NFATC2: variants seen among roughly 807,000 people sequenced by gnomAD.
NFATC2 encodes the protein nuclear factor of activated T-cells, cytoplasmic 2.
A neutral mutation model predicts 87.3 loss-of-function variants in NFATC2; 22 were observed. The observed-to-expected ratio is 0.25, with a 90% CI of 0.18 to 0.36. NFATC2 has a LOEUF of 0.36. Ranked by LOEUF, NFATC2 falls within the 10% of genes least tolerant of loss-of-function variation. The pLI is 1.00. For synonymous variants in NFATC2, 565 were observed against 542.2 expected (o/e 1.04, Z -0.58); for missense variants, 1,149 against 1,259.1 (o/e 0.91, Z 1.32).
intron 5 of NFATC2, among the ~76,000 whole-genome samples, chr20:51,470,078 G>T (rs1486670552): frequency 6.6e-6 from 1 of 152,200 alleles, no homozygotes; most frequent in Non-Finnish European, 1.5e-5. Flanking sequence ...ACTGCTCCGT[G>T]CCAAGTGGAG....
In NFATC2 at chr20:51,465,175, G is replaced by A. The variant is rs1221725618; in HGVS notation, c.1708+8805C>T. Among the ~76,000 whole-genome samples the A allele has an allele frequency of 2.6e-5, 4 of 152,162 alleles. No homozygotes were observed. The South Asian group carries it at 8.3e-4, about 31-fold the overall frequency. ...GGCCAAGGCAGGTGGATCATCTGAG[G>A]TCAGGAGTTTGAGACCAGCCTGGCC... On this transcript the variant is annotated intron_variant, in intron 5 of 10. Coordinates refer to ENST00000371564, the MANE Select transcript of NFATC2 (RefSeq NM_012340.5).
At chr20:51,485,794 T>C (rs1377502553) in intron 3 of NFATC2, among the ~76,000 whole-genome samples, 3 of 152,176 alleles carry the variant, frequency 2.0e-5, no homozygotes, top group Non-Finnish European at 4.4e-5. Flanking sequence ...GGGCTGTGTA[T>C]AAAGCATGTC....
chr20:51,441,996 A>G (rs1984412417), intron 6 of NFATC2, among the ~76,000 whole-genome samples: 2 of 152,220 alleles, frequency 1.3e-5, no homozygotes, highest in Admixed American at 1.3e-4. Flanking sequence ...TAAAATGGTC[A>G]TAAAAAGTAT....
chr20:51,531,156 A>G (rs550822276), intron 1 of NFATC2, among the ~76,000 whole-genome samples: 1 of 152,344 alleles, frequency 6.6e-6, no homozygotes, highest in South Asian at 2.1e-4. Context: ...ATCGCCAAAC[A>G]TCTCCTGCCA....
At chr20:51,450,513 A>C (rs1486416697) in intron 6 of NFATC2, among the ~76,000 whole-genome samples, 1 of 152,220 alleles carries the variant, frequency 6.6e-6, no homozygotes, top group Non-Finnish European at 1.5e-5. Context: ...CCACTTCAAA[A>C]AATAACGATG....
Position 51,533,023 on chromosome 20 carries a change from G to A in NFATC2, c.131-8913C>T, listed in dbSNP as rs60439711. On this transcript the variant is annotated intron_variant, in intron 1 of 10. Coordinates refer to ENST00000371564, the MANE Select transcript of NFATC2 (RefSeq NM_012340.5). ...GAGCTCACCCCGATGCCGAGGTGGC[G>A]TGAGTCCCAGGGCCTGGGTTTGGGA... Among the ~76,000 whole-genome samples, 63 of 152,338 alleles carry A rather than the reference G, an allele frequency of 4.1e-4. 2 individuals are homozygous for A. In the East Asian group the frequency reaches 0.012, roughly 28 times the overall value.
rs56185326 is a variant in NFATC2 at position 51,398,799 on chromosome 20, C to A, written c.2723-69G>T. On this transcript the variant is annotated intron_variant, in intron 9 of 10. Coordinates refer to ENST00000371564, the MANE Select transcript of NFATC2 (RefSeq NM_012340.5). ...ATCACCTTTGATCTCTCTTACGCTT[C>A]CAACTCATGCCGATATCATCCAAGC... 1.3e-3 allele frequency: 1,392 copies of A among 1,054,166 alleles called. 4 individuals are homozygous for A. Among genetic ancestry groups the A allele is most frequent in the Non-Finnish European group, 1.9e-3 (1,306 of 687,812 alleles). The allele number at this position is 1,054,166 out of a possible 1,614,324, so 65.3% of individuals were successfully genotyped here. A position where few individuals can be genotyped will look rare whatever the true frequency, so the allele number is the denominator to read the frequency against.
chr20:51,501,569 CACTGCACTCA>C (rs1009478522), intron 3 of NFATC2, among the ~76,000 whole-genome samples: 2 of 152,338 alleles, frequency 1.3e-5, no homozygotes, highest in East Asian at 3.9e-4. Flanking sequence ...CTTATTCCCT[CACTGCACTCA>C]AAATTCCATT....
chr20:51,557,355 C>T lies in NFATC2; in HGVS notation c.70+5205G>A, dbSNP rs1020658334. 3.3e-5 allele frequency among the ~76,000 whole-genome samples: 5 copies of T among 152,148 alleles called. No homozygotes were observed. In the South Asian group the frequency reaches 1.0e-3, roughly 32 times the overall value. ...ACTCCACCACTCGCTAGGGCTGCGACCCTGGTGAGTGACTCTATCTCCCTG... is the reference window on the plus strand; with the variant it reads ...ACTCCACCACTCGCTAGGGCTGCGATCCTGGTGAGTGACTCTATCTCCCTG... On this transcript the variant is annotated intron_variant, in intron 1 of 10. Coordinates refer to the NFATC2 transcript ENST00000414705.
At chr20:51,468,726 G>A (rs1464400672) in intron 5 of NFATC2, among the ~76,000 whole-genome samples, 2 of 152,238 alleles carry the variant, frequency 1.3e-5, no homozygotes, top group Admixed American at 6.5e-5. Context: ...ACATTGCCTG[G>A]TTCCGTCTTT....
At chr20:51,463,786 T>G (rs542227614) in intron 5 of NFATC2, among the ~76,000 whole-genome samples, 1 of 152,268 alleles carries the variant, frequency 6.6e-6, no homozygotes, top group East Asian at 1.9e-4. Context: ...ACAAATGAAC[T>G]GAGCAAACGT....
chr20:51,472,743 C>A (rs2146506422), intron 5 of NFATC2, among the ~76,000 whole-genome samples: 1 of 145,500 alleles, frequency 6.9e-6, no homozygotes, highest in East Asian at 2.1e-4. Flanking sequence ...TCAAGTGATT[C>A]TCCTGCCTCA....
chr20:51,404,208 C>A (rs930909517), intron 9 of NFATC2, among the ~76,000 whole-genome samples: 1 of 152,178 alleles, frequency 6.6e-6, no homozygotes, highest in Non-Finnish European at 1.5e-5. Context: ...GCTGTCCTGG[C>A]GAGGGGCTCA....
At chr20:51,542,849 G>T, upstream of NFATC2, 1 of 471,334 alleles carries the variant, frequency 2.1e-6, no homozygotes, top group Non-Finnish European at 2.8e-6. Flanking sequence ...GGCCTGGGCT[G>T]GCCGGTGCCG....
At chr20:51,533,620 G>A (rs892440770) in intron 1 of NFATC2, among the ~76,000 whole-genome samples, 1 of 152,232 alleles carries the variant, frequency 6.6e-6, no homozygotes, top group Non-Finnish European at 1.5e-5. Context: ...TGTCTTTGCT[G>A]ACCTTGCCCC....
rs6126246 is a variant in NFATC2, at chr20:51,521,119, T to C, written c.1160+1962A>G. Among the ~76,000 whole-genome samples, 529 of 152,288 alleles carry C rather than the reference T, an allele frequency of 3.5e-3. 18 individuals carry two copies. In the East Asian group the frequency reaches 0.067, roughly 19 times the overall value. On this transcript the variant is annotated intron_variant, in intron 2 of 10. Coordinates refer to ENST00000371564, the MANE Select transcript of NFATC2 (RefSeq NM_012340.5). The stretch of plus-strand genomic sequence containing the variant: ...TCTCTTAAACCCAGAAACTCCTTTT[T>C]TTAAAGATACAACAACTGACATACT...
chr20:51,415,340 C>G (rs1321397816), intron 9 of NFATC2, among the ~76,000 whole-genome samples: 1 of 152,014 alleles, frequency 6.6e-6, no homozygotes, highest in Non-Finnish European at 1.5e-5. Flanking sequence ...ATCTTATTAA[C>G]AGACATTTAG....
intron 1 of NFATC2, among the ~76,000 whole-genome samples, chr20:51,555,420 C>T (rs1369635249): frequency 2.0e-5 from 3 of 151,964 alleles, no homozygotes; most frequent in Non-Finnish European, 2.9e-5. Context: ...AGTGAAACCC[C>T]GTCTCTACTA....
intron 10 of NFATC2, among the ~76,000 whole-genome samples, chr20:51,395,079 T>C (rs1986863244): frequency 1.3e-5 from 2 of 152,244 alleles, no homozygotes; most frequent in Admixed American, 1.3e-4. Flanking sequence ...AATGGGTTGC[T>C]GATCTGTTAC....
Sources: gnomAD v4.1 joint callset for allele counts (sites outside exome capture counted in the v4.1 genomes callset) on GRCh38, gnomAD v4.1.1 for gene constraint, MANE v1.5 for transcripts, NCBI Gene and HGNC (gene_info 2026-07-23, HGNC 2026-07-21) for gene names.